Variants in FNDC3A observed in about 807,000 individuals in gnomAD.
FNDC3A encodes fibronectin type-III domain-containing protein 3A.
A neutral mutation model predicts 148.9 loss-of-function variants in FNDC3A; 32 were observed. The ratio of observed to expected loss-of-function variants is 0.21; its 90% confidence interval spans 0.16 to 0.29. FNDC3A has a LOEUF of 0.29. FNDC3A is among the 10% of genes least tolerant of loss of function. The pLI is 1.00. For synonymous variants in FNDC3A, 472 were observed against 473.6 expected (o/e 1.00, Z 0.04); for missense variants, 1,191 against 1,452.8 (o/e 0.82, Z 2.93).
chr13:49,168,745 A>G lies in FNDC3A; in HGVS notation c.1170A>G (p.Gln390=), dbSNP rs369338311. Residue 390 remains glutamine (Q), a synonymous_variant, in exon 10 of 26, where the codon CAA becomes CAG. Coordinates refer to ENST00000492622, the MANE Select transcript of FNDC3A (RefSeq NM_001079673.2). ...GGACCAAAAATTCACTCACTTTGCA[A>G]TGGAAGGTAAGAATATTCTTTAGGG... The part of the protein sequence containing the change: ...ANRTKNSLTL[Q]WKAPSDNGSK... The G allele has an allele frequency of 3.0e-5, 49 of 1,613,264 alleles. No individual in the cohort carries two copies. Among genetic ancestry groups the G allele is most frequent in the Admixed American group, 8.3e-5 (5 of 59,972 alleles).
intron 8 of FNDC3A, among the ~76,000 whole-genome samples, chr13:49,158,114 C>G (rs528418658): frequency 6.6e-6 from 1 of 152,370 alleles, no homozygotes; most frequent in South Asian, 2.1e-4. Flanking sequence ...GCGCCCCTCC[C>G]CCAGCCTCGC....
chr13:49,061,865 C>T (rs914721789), intron 2 of FNDC3A, among the ~76,000 whole-genome samples: 1 of 131,562 alleles, frequency 7.6e-6, no homozygotes, highest in Non-Finnish European at 1.6e-5. Flanking sequence ...AAGTGATCCT[C>T]CTGCCTCAGC....
chr13:49,153,116 C>G (rs1260736186), intron 8 of FNDC3A, among the ~76,000 whole-genome samples: 3 of 151,972 alleles, frequency 2.0e-5, no homozygotes, highest in Non-Finnish European at 4.4e-5. Flanking sequence ...AATGGTTGAA[C>G]TAGTTTACAG....
At chr13:49,070,020 A>G (rs1408137171) in intron 2 of FNDC3A, among the ~76,000 whole-genome samples, 7 of 152,232 alleles carry the variant, frequency 4.6e-5, no homozygotes, top group Non-Finnish European at 5.9e-5. Context: ...CAATTAAGTT[A>G]TATAAAAACT....
chr13:49,022,683 C>A (rs1873414921), intron 2 of FNDC3A, among the ~76,000 whole-genome samples: 1 of 152,132 alleles, frequency 6.6e-6, no homozygotes, highest in Admixed American at 6.5e-5. Context: ...TAGTCATCTT[C>A]TAACTGCTAT....
chr13:49,158,484 C>T (rs895710400), intron 8 of FNDC3A, among the ~76,000 whole-genome samples: 2 of 152,202 alleles, frequency 1.3e-5, no homozygotes, highest in African/African-American at 2.4e-5. Context: ...CAGTCTTCTG[C>T]GTCGCTCACG....
At chr13:49,045,042 CTTTTCCTTTCCCTTTCCCT>C in intron 2 of FNDC3A, 3 of 56,440 alleles carry the variant, frequency 5.3e-5, no homozygotes, top group Non-Finnish European at 8.8e-5. Context: ...TTTCCTTTCC[CTTTTCCTTTCCCTTTCCCT>C]TTTCCTTTCC....
At chr13:49,158,026 C>T (rs1213331917) in intron 8 of FNDC3A, among the ~76,000 whole-genome samples, 1 of 151,964 alleles carries the variant, frequency 6.6e-6, no homozygotes, top group East Asian at 1.9e-4. Context: ...AGGCAGGCTT[C>T]CTGGAGCTGT....
intron 2 of FNDC3A, among the ~76,000 whole-genome samples, chr13:49,015,390 GCTCT>G (rs1289216117): frequency 1.3e-5 from 2 of 152,062 alleles, no homozygotes; most frequent in African/African-American, 2.4e-5. Context: ...TCATGATTTG[GCTCT>G]CTGTTTGTCT....
At chr13:49,122,105 A>G (rs527769260) in intron 4 of FNDC3A, among the ~76,000 whole-genome samples, 2 of 152,322 alleles carry the variant, frequency 1.3e-5, no homozygotes, top group South Asian at 2.1e-4. Context: ...CCTCAATAAA[A>G]TAACTGGCAA....
At chr13:49,057,654 G>T (rs1040666172) in intron 2 of FNDC3A, among the ~76,000 whole-genome samples, 13 of 152,118 alleles carry the variant, frequency 8.5e-5, no homozygotes, top group Non-Finnish European at 2.9e-5. Flanking sequence ...TACTTTTAAT[G>T]CATTAGTTTT....
chr13:49,113,613 T>C (rs993870957), intron 3 of FNDC3A, among the ~76,000 whole-genome samples: 1 of 152,168 alleles, frequency 6.6e-6, no homozygotes, highest in Admixed American at 6.5e-5. Flanking sequence ...TAATGGTAGA[T>C]TATAATTCTG....
rs1191631627 is a variant in FNDC3A, at chr13:49,207,907, G to A, written c.*512G>A. 1 of 152,640 alleles carries A rather than the reference G, an allele frequency of 6.6e-6. No homozygotes were observed. Among genetic ancestry groups the A allele is most frequent in the Non-Finnish European group, 1.5e-5 (1 of 68,090 alleles). The allele number at this position is 152,640 out of a possible 1,614,324, so 9.5% of individuals were successfully genotyped here. A position where few individuals can be genotyped will look rare whatever the true frequency, so the allele number is the denominator to read the frequency against. On this transcript the variant is annotated 3_prime_UTR_variant, in exon 26 of 26. Coordinates refer to ENST00000492622, the MANE Select transcript of FNDC3A (RefSeq NM_001079673.2). ...TATTTGGTAAGTGGGATTATGATGAGTAACTGGAGGGGCTTAGAAACAAAA... is the reference window on the plus strand; with the variant it reads ...TATTTGGTAAGTGGGATTATGATGAATAACTGGAGGGGCTTAGAAACAAAA...
chr13:49,181,342 T>C (rs900528288), intron 14 of FNDC3A, among the ~76,000 whole-genome samples: 1 of 152,220 alleles, frequency 6.6e-6, no homozygotes, highest in Admixed American at 6.5e-5. Flanking sequence ...CAGCAGGCCA[T>C]TTTGTCAGTA....
intron 2 of FNDC3A, chr13:49,046,816 A>G (rs1347216602): frequency 6.6e-6 from 1 of 152,096 alleles, no homozygotes; most frequent in Non-Finnish European, 1.5e-5. Flanking sequence ...TAAACCAAAA[A>G]GTATCTAAGG....
At chr13:49,014,393 C>G (rs1483663381) in intron 2 of FNDC3A, among the ~76,000 whole-genome samples, 1 of 117,070 alleles carries the variant, frequency 8.5e-6, no homozygotes, top group African/African-American at 3.3e-5. Context: ...GCATAAATGT[C>G]TTCTTTTGAG....
chr13:49,205,299 A>G (rs372808163), intron 25 of FNDC3A, among the ~76,000 whole-genome samples: 1 of 152,356 alleles, frequency 6.6e-6, no homozygotes, highest in African/African-American at 2.4e-5. Context: ...CATGGAAAGT[A>G]TAAAGACAAA....
At chr13:49,110,254 A>C in intron 3 of FNDC3A, 1 of 1,132,704 alleles carries the variant, frequency 8.8e-7, no homozygotes, top group Non-Finnish European at 1.2e-6. Context: ...TCACGTGATG[A>C]CTGTCACGTG....
intron 1 of FNDC3A, among the ~76,000 whole-genome samples, chr13:49,004,529 G>T (rs1045124915): frequency 6.6e-5 from 10 of 151,942 alleles, no homozygotes; most frequent in African/African-American, 2.4e-4. Context: ...TCTATACCCA[G>T]TCTCTAATAG....
Sources: allele counts gnomAD v4.1 joint callset (sites outside exome capture counted in the v4.1 genomes callset), GRCh38; gene constraint gnomAD v4.1.1; transcripts MANE v1.5; gene names NCBI Gene and HGNC (gene_info 2026-07-23, HGNC 2026-07-21).